The following DCC variants were observed in gnomAD, a reference collection of about 807,000 sequenced individuals.
DCC encodes the protein DCC netrin 1 receptor.
DCC carries 58 observed loss-of-function variants against 172.5 expected under a neutral mutation model. The observed-to-expected ratio is 0.34, with a 90% CI of 0.27 to 0.42. DCC has a LOEUF of 0.42. DCC is among the 10% of genes least tolerant of loss of function. DCC has a pLI of 1.00. For missense variants in DCC, 1,740 were observed against 1,791.0 expected (o/e 0.97, Z 0.51); for synonymous variants, 709 against 644.5 (o/e 1.10, Z -1.52).
At chr18:52,875,969 G>A (rs1438434301) in intron 2 of DCC, among the ~76,000 whole-genome samples, 1 of 152,016 alleles carries the variant, frequency 6.6e-6, no homozygotes, top group South Asian at 2.1e-4. Flanking sequence ...TTTAGACCAC[G>A]TGGGTGAGAA....
Position 52,359,215 on chromosome 18 carries a change from T to C in DCC, c.91+18337T>C, listed in dbSNP as rs1050861181. On this transcript the variant is annotated intron_variant, in intron 1 of 28. Transcript: ENST00000442544. ...GAGAGATGTCTGTATTTTTAGACCA[T>C]ACACCATAGGCTGTTTCATTGGGTT... Among the ~76,000 whole-genome samples, 3 of 152,312 alleles carry C rather than the reference T, an allele frequency of 2.0e-5. No homozygotes were observed. In the South Asian group the frequency reaches 6.2e-4, roughly 32 times the overall value.
At chr18:53,033,810 A>T (rs1473712293) in intron 5 of DCC, among the ~76,000 whole-genome samples, 1 of 152,122 alleles carries the variant, frequency 6.6e-6, no homozygotes, top group African/African-American at 2.4e-5. Flanking sequence ...ATGTAGTCTT[A>T]TACAGTCTGT....
At chr18:53,117,820 C>G (rs1598819296) in intron 7 of DCC, among the ~76,000 whole-genome samples, 2 of 151,670 alleles carry the variant, frequency 1.3e-5, no homozygotes, top group African/African-American at 4.8e-5. Context: ...TGCCTGTGTT[C>G]CAATAAAACA....
At chr18:52,817,876 G>A (rs769906457) in intron 2 of DCC, among the ~76,000 whole-genome samples, 18 of 152,012 alleles carry the variant, frequency 1.2e-4, no homozygotes, top group Non-Finnish European at 1.9e-4. Context: ...TACTCAAGGA[G>A]ACCAAAAAGA....
At chr18:52,543,743 T>A (rs1302009805) in intron 1 of DCC, among the ~76,000 whole-genome samples, 1 of 152,142 alleles carries the variant, frequency 6.6e-6, no homozygotes, top group East Asian at 1.9e-4. Context: ...CCCCTGACCC[T>A]TCTCCCATAC....
Position 52,697,692 on chromosome 18 carries a change from A to G in DCC, c.92-54362A>G, listed in dbSNP as rs187501359. 1.1e-3 allele frequency among the ~76,000 whole-genome samples: 164 copies of G among 151,488 alleles called. 1 individual carries two copies. Among genetic ancestry groups the G allele is most frequent in the South Asian group, 8.2e-3 (38 of 4,660 alleles). ...ATTTTTAATTCGTTTGCAAATATGT[A>G]TAGACATAGATATAAGTGCATTGTT... On this transcript the variant is annotated intron_variant, in intron 1 of 28. Transcript: ENST00000442544.
At chr18:53,095,044 T>C (rs1455583765) in intron 7 of DCC, among the ~76,000 whole-genome samples, 2 of 152,224 alleles carry the variant, frequency 1.3e-5, no homozygotes, top group African/African-American at 4.8e-5. Context: ...ACAATGATAA[T>C]TACAGTTGGC....
At chr18:53,271,284 A>G (rs2056745601) in intron 12 of DCC, among the ~76,000 whole-genome samples, 1 of 152,168 alleles carries the variant, frequency 6.6e-6, no homozygotes, top group Non-Finnish European at 1.5e-5. Flanking sequence ...TCACTATGTA[A>G]TGAGTGGAGG....
chr18:53,206,339 GTATATA>G (rs201714223), intron 10 of DCC, among the ~76,000 whole-genome samples: 2 of 46,724 alleles, frequency 4.3e-5, no homozygotes, highest in Admixed American at 3.1e-4. Flanking sequence ...ACACATATAT[GTATATA>G]TGTATATATA....
At chr18:52,913,497 GTT>G (rs957882975) in intron 3 of DCC, among the ~76,000 whole-genome samples, 1 of 151,026 alleles carries the variant, frequency 6.6e-6, no homozygotes, top group African/African-American at 2.4e-5. Context: ...AAATCAACCA[GTT>G]TTTTTTTCTA....
In DCC at chr18:52,962,606, T is replaced by G. The variant is rs544404154; in HGVS notation, c.985+37236T>G. Among the ~76,000 whole-genome samples, 659 of 151,990 alleles carry G rather than the reference T, an allele frequency of 4.3e-3. 18 individuals are homozygous for G. Among genetic ancestry groups the G allele is most frequent in the Admixed American group, 0.039 (596 of 15,264 alleles). ...TTGACCCAGCCATCCCATTACTGGG[T>G]ATATACCCAAAGGACTATAAATCAT... On this transcript the variant is annotated intron_variant, in intron 5 of 28. Coordinates refer to ENST00000442544, the MANE Select transcript of DCC (RefSeq NM_005215.4).
chr18:52,679,436 A>AT (rs1448573676), intron 1 of DCC, among the ~76,000 whole-genome samples: 5 of 151,970 alleles, frequency 3.3e-5, no homozygotes, highest in Non-Finnish European at 7.4e-5. Context: ...TCCCCGTTTC[A>AT]TTTTATCCTA....
chr18:53,220,146 G>A (rs1211623741), intron 12 of DCC, among the ~76,000 whole-genome samples: 1 of 152,108 alleles, frequency 6.6e-6, no homozygotes, highest in East Asian at 1.9e-4. Flanking sequence ...GAAAAAATGT[G>A]AGTTATGATA....
intron 12 of DCC, among the ~76,000 whole-genome samples, chr18:53,251,871 TC>T (rs2056439595): frequency 2.0e-5 from 3 of 151,958 alleles, no homozygotes; most frequent in Admixed American, 2.0e-4. Context: ...TGTTTTCACT[TC>T]CGTATATTGT....
intron 5 of DCC, among the ~76,000 whole-genome samples, chr18:53,036,055 A>G (rs537222241): frequency 1.3e-5 from 2 of 152,126 alleles, no homozygotes; most frequent in South Asian, 2.1e-4. Context: ...GGCTCTTTAT[A>G]CATCTTACAG....
chr18:52,786,833 T>C (rs188426954), intron 2 of DCC, among the ~76,000 whole-genome samples: 168 of 152,244 alleles, frequency 1.1e-3, no homozygotes, highest in African/African-American at 3.5e-3. Context: ...TTTTATCAGC[T>C]CTGCAAGTCG....
At chr18:52,372,450 G>T (rs199515162) in intron 1 of DCC, among the ~76,000 whole-genome samples, 2 of 152,194 alleles carry the variant, frequency 1.3e-5, no homozygotes, top group Non-Finnish European at 2.9e-5. Flanking sequence ...AGTAGGGCTG[G>T]TTGGGTGTCT....
chr18:52,853,919 A>T (rs1023702982), intron 2 of DCC, among the ~76,000 whole-genome samples: 5 of 152,330 alleles, frequency 3.3e-5, no homozygotes, highest in African/African-American at 9.6e-5. Flanking sequence ...GGCAGGAGTC[A>T]TAGTTGATAT....
chr18:52,397,432 A>T (rs1380853698), intron 1 of DCC, among the ~76,000 whole-genome samples: 1 of 152,056 alleles, frequency 6.6e-6, no homozygotes, highest in African/African-American at 2.4e-5. Context: ...GCATTCGCTG[A>T]CTGCACAGAT....
Sources: gnomAD v4.1 joint callset for allele counts (sites outside exome capture counted in the v4.1 genomes callset) on GRCh38, gnomAD v4.1.1 for gene constraint, MANE v1.5 for transcripts, NCBI Gene and HGNC (gene_info 2026-07-23, HGNC 2026-07-21) for gene names.